Variants in CAD observed in about 807,000 individuals in gnomAD.
The protein encoded by CAD is carbamoyl-phosphate synthetase 2, aspartate transcarbamylase, and dihydroorotase, also known as multifunctional protein CAD.
A neutral mutation model predicts 237.2 loss-of-function variants in CAD; 81 were observed. The observed-to-expected ratio is 0.34, with a 90% CI of 0.29 to 0.41. The LOEUF (loss-of-function observed/expected upper bound fraction) is 0.41, where lower values mean the gene tolerates loss of function less well. Among genes scored for constraint, CAD ranks in the 10% least tolerant of loss-of-function variants. The pLI is 1.00. For synonymous variants in CAD, 1,196 were observed against 1,162.8 expected, an observed-to-expected ratio of 1.03 and a Z score of -0.58; for missense variants, 2,181 against 2,951.7, an observed-to-expected ratio of 0.74 and a Z score of 6.05.
Position 27,217,866 on chromosome 2 carries a change from C to T in CAD, c.83-11C>T, listed in dbSNP as rs745343862. ...GCCCTACCGGAGCCCAGCCCTGCTTCTTTCTTGCAGTGTTTCAAACCGGCA... is the reference window on the plus strand; with the variant it reads ...GCCCTACCGGAGCCCAGCCCTGCTTTTTTCTTGCAGTGTTTCAAACCGGCA... On this transcript the variant is annotated splice_polypyrimidine_tract_variant and intron_variant, in intron 1 of 43. Coordinates refer to ENST00000264705, the MANE Select transcript of CAD (RefSeq NM_004341.5). 1 of 1,590,692 alleles carries T rather than the reference C, an allele frequency of 6.3e-7. No individual in the cohort carries two copies. The highest frequency in any genetic ancestry group is 8.6e-7 in the Non-Finnish European group (1 of 1,168,590).
chr2:27,242,395 C>T lies in CAD; in HGVS notation c.6190C>T (p.Arg2064Cys). 1 of 1,614,018 alleles carries T rather than the reference C, an allele frequency of 6.2e-7. No individual in the cohort carries two copies. ...TQALLDIFTI[R>C]EELGTVNGMT... is the part of the protein sequence containing the mutation. ...GGCCCTGCTGGACATCTTCACCATC[C>T]GTGAGGAGCTGGGAACTGTCAATGG... Residue 2064 changes from arginine (R) to cysteine (C), a missense_variant, in exon 40 of 44, where the codon CGT becomes TGT. Around this residue, in one of 12 missense-constraint regions of CAD, gnomAD observed 11 missense variants for 39.4 expected, o/e 0.28. Coordinates refer to ENST00000264705, the MANE Select transcript of CAD (RefSeq NM_004341.5). The surrounding 1 kb of genome is among the most constrained non-coding windows in gnomAD (Gnocchi z 6.4).
At chr2:27,220,937 G>T (rs1675131112) in intron 2 of CAD, among the ~76,000 whole-genome samples, 1 of 152,082 alleles carries the variant, frequency 6.6e-6, no homozygotes, top group Non-Finnish European at 1.5e-5. Context: ...CAGCCTGGGT[G>T]ACAGAGTGAG....
At chr2:27,229,793 T>A (rs1194999086) in intron 15 of CAD, among the ~76,000 whole-genome samples, 1 of 150,246 alleles carries the variant, frequency 6.7e-6, no homozygotes, top group Non-Finnish European at 1.5e-5. Flanking sequence ...GGAGAATCGC[T>A]TGACCTCAGG....
At position 27,234,500 on chromosome 2, in the gene CAD, C is replaced by A; in HGVS notation, c.3619-18C>A. 1 of 1,611,744 alleles carries A rather than the reference C, an allele frequency of 6.2e-7. No individual in the cohort carries two copies. The highest frequency in any genetic ancestry group is 1.1e-5 in the South Asian group (1 of 90,840). ...AAGGCCAACCTGCAGAAGGCCTGAC[C>A]AGTCTTCTCTGCCCCAGGATGACCA... is the stretch of plus-strand genomic sequence containing the variant. On this transcript the variant is annotated intron_variant, in intron 22 of 43. Coordinates refer to ENST00000264705, the MANE Select transcript of CAD (RefSeq NM_004341.5).
Position 27,239,944 on chromosome 2 carries a change from T to A in CAD, c.5496+146T>A. On this transcript the variant is annotated intron_variant, in intron 34 of 43. Coordinates refer to ENST00000264705, the MANE Select transcript of CAD (RefSeq NM_004341.5). The surrounding 1 kb of genome is among the most constrained non-coding windows in gnomAD (Gnocchi z 4.0). ...AGTGGGGTTGGGTCAATTATTTTTTTAAAATGCTGGGCCAGGCCAGATGTG... is the reference window on the plus strand; with the variant it reads ...AGTGGGGTTGGGTCAATTATTTTTTAAAAATGCTGGGCCAGGCCAGATGTG... 1.5e-6 allele frequency: 1 copy of A among 647,548 alleles called. No homozygotes were observed. The highest frequency in any genetic ancestry group is 2.5e-6 in the Non-Finnish European group (1 of 392,974). 40.1% of individuals were successfully genotyped at this position (647,548 alleles called of 1,614,324 possible). A position where few individuals can be genotyped will look rare whatever the true frequency, so the allele number is the denominator to read the frequency against.
chr2:27,236,289 A>G lies in CAD; in HGVS notation c.4080A>G (p.Thr1360=). ...DFYTEHGVKV[T]AVDWHFEEAV... ...CCTTGACTCCGGGTTGGCAGGTAAC[A>G]GCTGTGGACTGGCACTTTGAGGAGG... Residue 1360 remains threonine, a synonymous_variant, in exon 26 of 44, where the codon ACA becomes ACG. Coordinates refer to ENST00000264705, the MANE Select transcript of CAD (RefSeq NM_004341.5). This position sits in a 1 kb window ranked among gnomAD's most constrained non-coding sequence, Gnocchi z 4.1. 2 of 1,613,378 alleles carry G rather than the reference A, an allele frequency of 1.2e-6. No individual in the cohort carries two copies. The highest frequency in any genetic ancestry group is 8.5e-7 in the Non-Finnish European group (1 of 1,179,516).
At chr2:27,238,958 G>T in intron 31 of CAD, 84 bp from the exon 32 acceptor site, 2 of 1,305,344 alleles carry the variant, frequency 1.5e-6, no homozygotes, top group South Asian at 2.9e-5. Context: ...TAAGGAGGTT[G>T]TTGGAAGTGC....
At chr2:27,218,685 C>T (rs913693924) in intron 2 of CAD, among the ~76,000 whole-genome samples, 6 of 151,928 alleles carry the variant, frequency 3.9e-5, no homozygotes, top group African/African-American at 1.5e-4. Context: ...GAGTTTCTTC[C>T]TACAGTGAGG....
chr2:27,242,496 C>A lies in CAD; in HGVS notation c.6222+69C>A. The A allele has an allele frequency of 6.3e-7, 1 of 1,585,242 alleles. No homozygotes were observed. The stretch of plus-strand genomic sequence containing the variant: ...TAGAGAGGGAGGCAGGAAGTGGTTA[C>A]CCCGGTACAGGACAGCTGCATCAAG... On this transcript the variant is annotated intron_variant, in intron 40 of 43. Transcript: ENST00000264705. The surrounding 1 kb of genome is among the most constrained non-coding windows in gnomAD (Gnocchi z 6.4).
intron 15 of CAD, among the ~76,000 whole-genome samples, chr2:27,230,259 G>A (rs1675674420): frequency 6.6e-6 from 1 of 152,120 alleles, no homozygotes; most frequent in Non-Finnish European, 1.5e-5. Context: ...AGTTGGTGTT[G>A]ATGAGGCCAT....
chr2:27,237,662 G>T lies in CAD; in HGVS notation c.4564-56G>T, dbSNP rs1572447233. 1 of 1,584,118 alleles carries T rather than the reference G, an allele frequency of 6.3e-7. No individual in the cohort carries two copies. The highest frequency in any genetic ancestry group is 2.2e-5 in the East Asian group (1 of 44,600). ...TATGGGCCCAGGCCACTGGTGCCAGGCTAGCCTGTGTGGGCATGGGTGCCA... is the reference window on the plus strand; with the variant it reads ...TATGGGCCCAGGCCACTGGTGCCAGTCTAGCCTGTGTGGGCATGGGTGCCA... On this transcript the variant is annotated intron_variant, in intron 28 of 43. Transcript: ENST00000264705. The surrounding 1 kb of genome is among the most constrained non-coding windows in gnomAD (Gnocchi z 4.0).
Position 27,231,562 on chromosome 2 carries a change from G to A in CAD, c.2382G>A (p.Val794=). The change falls in exon 16 of 44, where the codon GTG becomes GTA. Residue 794 remains valine (V), a synonymous_variant. Coordinates refer to ENST00000264705, the MANE Select transcript of CAD (RefSeq NM_004341.5). The part of the protein sequence containing the change: ...DENCVGFDHT[V]KPVSDMELET... ...ACTGTGTGGGCTTTGATCACACAGT[G>A]AAACCAGTCAGCGATATGGTAAGTA... The A allele has an allele frequency of 3.1e-6, 5 of 1,611,516 alleles. No individual in the cohort carries two copies. The highest frequency in any genetic ancestry group is 4.2e-6 in the Non-Finnish European group (5 of 1,177,668).
At chr2:27,230,496 C>T (rs762818488) in intron 15 of CAD, among the ~76,000 whole-genome samples, 12 of 151,310 alleles carry the variant, frequency 7.9e-5, no homozygotes, top group African/African-American at 1.9e-4. Context: ...CATGGTGACA[C>T]GCACCTGTAA....
chr2:27,226,332 C>T lies in CAD; in HGVS notation c.2031+13C>T, dbSNP rs761736014. Reference sequence around the variant, plus strand: ...TGAGTCTGAGCAGGTAAGCTCTAGGCCCTGGAACTGATAGTCTAGTTGTTA... The same window carrying T: ...TGAGTCTGAGCAGGTAAGCTCTAGGTCCTGGAACTGATAGTCTAGTTGTTA... On this transcript the variant is annotated intron_variant, in intron 13 of 43. Coordinates refer to ENST00000264705, the MANE Select transcript of CAD (RefSeq NM_004341.5). 9.3e-6 allele frequency: 15 copies of T among 1,611,676 alleles called. No homozygotes were observed. The highest frequency in any genetic ancestry group is 3.3e-5 in the Admixed American group (2 of 59,994).
At chr2:27,243,117 G>T (rs1676403704) in intron 42 of CAD, 81 bp from the exon 43 acceptor site, 7 of 1,439,204 alleles carry the variant, frequency 4.9e-6, no homozygotes, top group Non-Finnish European at 6.8e-6. Flanking sequence ...GTGTGGAGGG[G>T]ACCCCAGTGG....
At position 27,238,679 on chromosome 2, in the gene CAD, G is replaced by A. The variant is rs1255245722; in HGVS notation, c.5062+47G>A. 2.0e-6 allele frequency: 3 copies of A among 1,530,858 alleles called. No homozygotes were observed. In the East Asian group the frequency reaches 6.8e-5, roughly 34 times the overall value. The allele number at this position is 1,530,858 out of a possible 1,614,324, so 94.8% of individuals were successfully genotyped here. A position where few individuals can be genotyped will look rare whatever the true frequency, so the allele number is the denominator to read the frequency against. On this transcript the variant is annotated intron_variant, in intron 31 of 43. Transcript: ENST00000264705. ...CTCCTCTGCCCAGTGGGGCTTGTGG[G>A]ACAGCCCTAGCAAGAAAATGGGAAG...
Position 27,241,128 on chromosome 2 carries a change from C to G in CAD, c.5709C>G (p.Asn1903Lys). ...TACCGAGACAGGCATCTCCCCAGAA[C>G]CTGGGGACCCCTGGCTTGCTGCACC... ...PPVPRQASPQ[N>K]LGTPGLLHPQ... Residue 1903 changes from asparagine (N) to lysine (K), a missense_variant, in exon 37 of 44, where the codon AAC (asparagine) becomes AAG (lysine). Asn to Lys is a moderately conservative substitution (Grantham distance 94). This residue lies in a region of CAD where 203 missense variants were observed against 284.5 expected (regional missense o/e 0.71). Coordinates refer to ENST00000264705, the MANE Select transcript of CAD (RefSeq NM_004341.5). The surrounding 1 kb of genome is among the most constrained non-coding windows in gnomAD (Gnocchi z 4.6). The G allele has an allele frequency of 6.2e-7, 1 of 1,610,970 alleles. No individual in the cohort carries two copies. The highest frequency in any genetic ancestry group is 1.1e-5 in the South Asian group (1 of 90,806).
Position 27,233,422 on chromosome 2 carries a change from G to C in CAD, c.3102G>C (p.Val1034=). 6.2e-7 allele frequency: 1 copy of C among 1,614,228 alleles called. No homozygotes were observed. Among genetic ancestry groups the C allele is most frequent in the South Asian group, 1.1e-5 (1 of 91,092 alleles). Reference sequence around the variant, plus strand: ...CGTTGCATCGGCAGCAGTGCCGGGTGCTGGGCACCTCCCCTGAAGCCATTG... The same window carrying C: ...CGTTGCATCGGCAGCAGTGCCGGGTCCTGGGCACCTCCCCTGAAGCCATTG... ...AMALHRQQCR[V]LGTSPEAIDS... The change falls in exon 20 of 44, where the codon GTG becomes GTC. Residue 1034 remains valine, a synonymous_variant. Coordinates refer to ENST00000264705, the MANE Select transcript of CAD (RefSeq NM_004341.5). The surrounding 1 kb of genome is among the most constrained non-coding windows in gnomAD (Gnocchi z 6.3).
chr2:27,234,183 A>G lies in CAD; in HGVS notation c.3575A>G (p.Glu1192Gly). The G allele has an allele frequency of 6.2e-7, 1 of 1,614,208 alleles. No homozygotes were observed. The change falls in exon 22 of 44, where the codon GAG becomes GGG. Residue 1192 changes from glutamate (E) to glycine (G), a missense_variant. Transcript: ENST00000264705. ...IKAIVHAVGQ[E>G]LQVTGPFNLQ... ...GCCATTGTGCATGCTGTGGGCCAGG[A>G]GCTACAGGTCACAGGACCCTTCAAT...
Sources: allele counts gnomAD v4.1 joint callset (sites outside exome capture counted in the v4.1 genomes callset), GRCh38; gene constraint gnomAD v4.1.1; regional missense constraint gnomAD v4.1.1; non-coding constraint Gnocchi (gnomAD v3.1); transcripts MANE v1.5; gene names NCBI Gene and HGNC (gene_info 2026-07-23, HGNC 2026-07-21).